Variants in STX18 observed in about 807,000 individuals in gnomAD.
The protein encoded by STX18 is syntaxin-18.
A neutral mutation model predicts 50.1 loss-of-function variants in STX18; 40 were observed. The ratio of observed to expected loss-of-function variants is 0.80; its 90% CI spans 0.62 to 1.04. The LOEUF (loss-of-function observed/expected upper bound fraction) is 1.04. Among genes scored for constraint, STX18 ranks in the 50% least tolerant of loss-of-function variants. The pLI, the probability that STX18 is intolerant of heterozygous loss-of-function variation, is 0.00. For synonymous variants in STX18, 158 were observed against 151.8 expected (o/e 1.04, Z -0.30); for missense variants, 410 against 415.8 (o/e 0.99, Z 0.12).
At chr4:4,423,475 C>T (rs1166768553) in intron 9 of STX18, 43 bp downstream of exon 9, 4 of 1,592,730 alleles carry the variant, frequency 2.5e-6, no homozygotes, top group Non-Finnish European at 3.4e-6. Context: ...GTACATTCCC[C>T]TTTGAGTGAA....
intron 5 of STX18, among the ~76,000 whole-genome samples, chr4:4,452,234 A>AAAAC (rs1726791589): frequency 6.6e-6 from 1 of 152,252 alleles, no homozygotes; most frequent in African/African-American, 2.4e-5. Flanking sequence ...ATGACATTTA[A>AAAAC]AAAAAGAAGT....
chr4:4,465,187 C>T (rs924319232), intron 2 of STX18, among the ~76,000 whole-genome samples: 14 of 152,076 alleles, frequency 9.2e-5, no homozygotes, highest in African/African-American at 2.7e-4. Context: ...GACAGTGTGG[C>T]GATTCCTCAA....
At chr4:4,523,796 T>G (rs1730628263) in intron 1 of STX18, among the ~76,000 whole-genome samples, 1 of 152,198 alleles carries the variant, frequency 6.6e-6, no homozygotes, top group African/African-American at 2.4e-5. Flanking sequence ...AATACATACC[T>G]AACCACATTA....
In STX18 at chr4:4,420,545, C is replaced by T; in HGVS notation, c.912+319G>A. ...TGTAAGCAGGGGCCAGGCTCTGACC[C>T]CTCGGTGGGGGCCAACGAGCTACCC... On this transcript the variant is annotated intron_variant, in intron 10 of 10. Transcript: ENST00000306200. This position sits in a 1 kb window ranked among gnomAD's most constrained non-coding sequence, Gnocchi z 4.3. The T allele has an allele frequency of 2.4e-6, 1 of 410,516 alleles. No homozygotes were observed. The highest frequency in any genetic ancestry group is 2.0e-5 in the African/African-American group (1 of 49,716). 25.4% of individuals were successfully genotyped at this position (410,516 alleles called of 1,614,324 possible). A position where few individuals can be genotyped will look rare whatever the true frequency, so the allele number is the denominator to read the frequency against.
At chr4:4,443,826 A>G (rs918962062) in intron 5 of STX18, among the ~76,000 whole-genome samples, 7 of 152,254 alleles carry the variant, frequency 4.6e-5, no homozygotes, top group Admixed American at 6.5e-5. Flanking sequence ...AGCATTTGAA[A>G]AAGTCAAGAT....
At chr4:4,500,004 A>G (rs1729362633) in intron 1 of STX18, among the ~76,000 whole-genome samples, 1 of 152,114 alleles carries the variant, frequency 6.6e-6, no homozygotes. Flanking sequence ...GCTGTGTGTG[A>G]CTATCCCAGC....
intron 5 of STX18, among the ~76,000 whole-genome samples, chr4:4,454,023 G>C (rs1158140894): frequency 6.6e-6 from 1 of 152,232 alleles, no homozygotes; most frequent in Admixed American, 6.5e-5. Context: ...CATTTAATCA[G>C]TGGTCTCATT....
chr4:4,422,032 C>T (rs1220072403), intron 9 of STX18, among the ~76,000 whole-genome samples: 1 of 152,040 alleles, frequency 6.6e-6, no homozygotes, highest in African/African-American at 2.4e-5. Flanking sequence ...AGAATGAATG[C>T]TAGCGTGGGT....
intron 1 of STX18, 139 bp from the exon 2 acceptor site, chr4:4,471,845 C>T (rs575297864): frequency 5.2e-6 from 3 of 578,530 alleles, no homozygotes; most frequent in African/African-American, 3.8e-5. Context: ...TTTGGACTCT[C>T]GTACAGTCAC....
intron 1 of STX18, among the ~76,000 whole-genome samples, chr4:4,498,009 C>T (rs1729258080): frequency 6.6e-6 from 1 of 152,106 alleles, no homozygotes; most frequent in South Asian, 2.1e-4. Flanking sequence ...GGATGATTAC[C>T]AATTCATGTA....
At chr4:4,520,897 C>A (rs1730478872) in intron 1 of STX18, among the ~76,000 whole-genome samples, 1 of 152,190 alleles carries the variant, frequency 6.6e-6, no homozygotes. Context: ...TTAAGACTTA[C>A]AATCAAAATG....
At chr4:4,437,599 C>T in intron 6 of STX18, 1 of 984,988 alleles carries the variant, frequency 1.0e-6, no homozygotes. Flanking sequence ...TGTGACATGT[C>T]CAGGACCATG....
intron 1 of STX18, among the ~76,000 whole-genome samples, chr4:4,478,232 A>C (rs1175068508): frequency 6.7e-6 from 1 of 150,208 alleles, no homozygotes; most frequent in Non-Finnish European, 1.5e-5. Context: ...GGCAAAAAAA[A>C]AAAACAAAAA....
rs1311175095 is a variant in STX18, at chr4:4,420,649, G to A, written c.912+215C>T. On this transcript the variant is annotated intron_variant, in intron 10 of 10. Coordinates refer to ENST00000306200, the MANE Select transcript of STX18 (RefSeq NM_016930.4). This position sits in a 1 kb window ranked among gnomAD's most constrained non-coding sequence, Gnocchi z 4.3. ...CCCACCCTGGATTGCTCCTTTGGAG[G>A]CTGGTGAGCCACTGCCTCTCGAAAG... The A allele has an allele frequency of 1.8e-6, 1 of 566,234 alleles. No individual in the cohort carries two copies. The highest frequency in any genetic ancestry group is 3.3e-5 in the Admixed American group (1 of 30,278). 35.1% of individuals were successfully genotyped at this position (566,234 alleles called of 1,614,324 possible). A position where few individuals can be genotyped will look rare whatever the true frequency, so the allele number is the denominator to read the frequency against.
chr4:4,438,220 T>C (rs984675097), intron 6 of STX18, among the ~76,000 whole-genome samples, 174 bp downstream of exon 6: 6 of 152,234 alleles, frequency 3.9e-5, no homozygotes, highest in Non-Finnish European at 1.5e-5. Flanking sequence ...TCTGTGGCAC[T>C]CACGAAGATC....
chr4:4,465,373 A>C (rs559644172), intron 2 of STX18, among the ~76,000 whole-genome samples: 145 of 152,358 alleles, frequency 9.5e-4, no homozygotes, highest in Non-Finnish European at 1.6e-3. Flanking sequence ...AATGAATGAT[A>C]GACTGGATCA....
At chr4:4,488,392 C>T (rs931226036) in intron 1 of STX18, among the ~76,000 whole-genome samples, 17 of 152,240 alleles carry the variant, frequency 1.1e-4, no homozygotes, top group Admixed American at 5.9e-4. Flanking sequence ...TATAGAAGTG[C>T]GAAAACTACA....
intron 2 of STX18, among the ~76,000 whole-genome samples, chr4:4,464,375 C>T (rs984012131): frequency 5.3e-5 from 8 of 152,188 alleles, no homozygotes; most frequent in Admixed American, 2.6e-4. Context: ...ATGGCATTTT[C>T]GATGACTTGC....
At chr4:4,450,783 C>T (rs1045251984) in intron 5 of STX18, among the ~76,000 whole-genome samples, 4 of 152,198 alleles carry the variant, frequency 2.6e-5, no homozygotes, top group African/African-American at 9.7e-5. Context: ...CTGCAGACGC[C>T]CACCTTACCC....
Sources: allele counts gnomAD v4.1 joint callset (sites outside exome capture counted in the v4.1 genomes callset), GRCh38; gene constraint gnomAD v4.1.1; non-coding constraint Gnocchi (gnomAD v3.1); transcripts MANE v1.5; gene names NCBI Gene and HGNC (gene_info 2026-07-23, HGNC 2026-07-21).